Variants in BNC2 observed in about 807,000 individuals in gnomAD.
The protein encoded by BNC2 is zinc finger protein basonuclin-2.
Under a neutral mutation model 76.3 loss-of-function variants are expected in BNC2, and 20 were observed. The ratio of observed to expected loss-of-function variants is 0.26; its 90% CI spans 0.18 to 0.38. The LOEUF is 0.38. Ranked by LOEUF, BNC2 falls within the 10% of genes least tolerant of loss-of-function variation. BNC2 has a pLI of 1.00. For missense variants in BNC2, 1,382 were observed against 1,399.8 expected (o/e 0.99, Z 0.20); for synonymous variants, 582 against 514.8 (o/e 1.13, Z -1.77).
intron 1 of BNC2, among the ~76,000 whole-genome samples, chr9:16,846,330 T>A (rs1563969119): frequency 6.6e-6 from 1 of 152,156 alleles, no homozygotes; most frequent in African/African-American, 2.4e-5. Context: ...AACTGTACAA[T>A]CTTTTCACTA....
intron 4 of BNC2, among the ~76,000 whole-genome samples, chr9:16,566,513 A>G (rs946685639): frequency 1.3e-5 from 2 of 152,196 alleles, no homozygotes; most frequent in African/African-American, 4.8e-5. Context: ...TAAACTTGGC[A>G]TATTTTCTTT....
In BNC2 at chr9:16,616,837, A is replaced by AAGGAAGGC. The variant is rs1431416345; in HGVS notation, c.331-33753_331-33752insGCCTTCCT. Among the ~76,000 whole-genome samples the AAGGAAGGC allele has an allele frequency of 1.9e-4, 29 of 149,932 alleles. 1 individual carries two copies. Among genetic ancestry groups the AAGGAAGGC allele is most frequent in the African/African-American group, 7.1e-4 (29 of 40,892 alleles). ...GAAGGAAGAAAGGAAGGAAGGAAGG[A>AAGGAAGGC]AGTTCTACTGACACGTGGGAATTTC... On this transcript the variant is annotated intron_variant, in intron 3 of 6. Transcript: ENST00000380672.
chr9:16,579,892 C>T (rs1819584200), intron 4 of BNC2: 1 of 386,372 alleles, frequency 2.6e-6, no homozygotes, highest in African/African-American at 2.1e-5. Flanking sequence ...TATTTTTTAG[C>T]AGCAGATATT....
intron 5 of BNC2, among the ~76,000 whole-genome samples, chr9:16,536,576 C>T (rs2132298198): frequency 6.6e-6 from 1 of 152,052 alleles, no homozygotes; most frequent in South Asian, 2.1e-4. Flanking sequence ...AAAAAAAATT[C>T]CCCTTCTCCT....
At chr9:16,793,965 G>C (rs887681309) in intron 1 of BNC2, among the ~76,000 whole-genome samples, 2 of 147,722 alleles carry the variant, frequency 1.4e-5, no homozygotes, top group Non-Finnish European at 1.5e-5. Flanking sequence ...GCCTCCCAAA[G>C]TGCTGGGATT....
At chr9:16,519,205 T>C (rs943737) in intron 5 of BNC2, among the ~76,000 whole-genome samples, 50,821 of 151,986 alleles carry the variant, frequency 0.33, 8,981 homozygotes, top group South Asian at 0.5. Flanking sequence ...ATTTGCATGA[T>C]AAATCCCAGT....
At chr9:16,520,343 G>C (rs1013217924) in intron 5 of BNC2, among the ~76,000 whole-genome samples, 1 of 152,184 alleles carries the variant, frequency 6.6e-6, no homozygotes, top group Admixed American at 6.5e-5. Flanking sequence ...AGAGAAGCAA[G>C]AGAGAAAACC....
In BNC2 at chr9:16,411,906, T is replaced by A. The variant is rs912274305; in HGVS notation, c.*7083A>T. 2 of 152,198 alleles carry A rather than the reference T, an allele frequency of 1.3e-5. No individual in the cohort carries two copies. 9.4% of individuals were successfully genotyped at this position (152,198 alleles called of 1,614,324 possible). On this transcript the variant is annotated 3_prime_UTR_variant, in exon 7 of 7. Transcript: ENST00000380672. ...GGGAAGGTTGGAAGGAAGCATGGCA[T>A]CCCCTAGTCCCAGAAAGAAGACGCT...
At chr9:16,615,403 G>C (rs1820670626) in intron 3 of BNC2, among the ~76,000 whole-genome samples, 1 of 152,096 alleles carries the variant, frequency 6.6e-6, no homozygotes, top group South Asian at 2.1e-4. Context: ...AGGACTCTCT[G>C]ACATTTCCCC....
chr9:16,718,346 T>A, intron 3 of BNC2, among the ~76,000 whole-genome samples: 1 of 152,144 alleles, frequency 6.6e-6, no homozygotes, highest in East Asian at 1.9e-4. Flanking sequence ...TACATTATAA[T>A]AGATGACAAA....
rs760330205 is a variant in BNC2 at position 16,434,588 on chromosome 9, A to G, written c.2639+967T>C. Among the ~76,000 whole-genome samples, 74 of 152,304 alleles carry G rather than the reference A, an allele frequency of 4.9e-4. 1 individual carries two copies. Among genetic ancestry groups the G allele is most frequent in the African/African-American group, 1.2e-3 (48 of 41,572 alleles). On this transcript the variant is annotated intron_variant, in intron 6 of 6. Transcript: ENST00000380672. Reference sequence around the variant, plus strand: ...GTATTATGTACGTGATCTGCTCACAAGCTTATCTGAACAAATGCAGGATAA... The same window carrying G: ...GTATTATGTACGTGATCTGCTCACAGGCTTATCTGAACAAATGCAGGATAA...
chr9:16,644,454 AATC>A (rs1367961773), intron 3 of BNC2, among the ~76,000 whole-genome samples: 2 of 152,150 alleles, frequency 1.3e-5, no homozygotes, highest in Non-Finnish European at 2.9e-5. Context: ...GGTACTATCT[AATC>A]ATGATGACTA....
chr9:16,823,058 A>G (rs1259926665), intron 1 of BNC2, among the ~76,000 whole-genome samples: 2 of 152,180 alleles, frequency 1.3e-5, no homozygotes, highest in Non-Finnish European at 2.9e-5. Flanking sequence ...TTAGGTCTCT[A>G]CTACTCCAAG....
intron 3 of BNC2, among the ~76,000 whole-genome samples, chr9:16,697,318 C>A (rs1404186098): frequency 6.6e-6 from 1 of 151,938 alleles, no homozygotes; most frequent in Non-Finnish European, 1.5e-5. Flanking sequence ...GAACTCCAAC[C>A]TAGGTGACAG....
rs967903652 is a variant in BNC2, at chr9:16,777,045, G to C, written c.4-38560C>G. On this transcript the variant is annotated intron_variant, in intron 1 of 6. Coordinates refer to ENST00000380672, the MANE Select transcript of BNC2 (RefSeq NM_017637.6). ...GTAGGTTGAGGCAAGAGAATCACTT[G>C]AACCTAGGAGGCGGAGGTTGCAGTG... Among the ~76,000 whole-genome samples, 3 of 152,100 alleles carry C rather than the reference G, an allele frequency of 2.0e-5. No individual in the cohort carries two copies. In the East Asian group the frequency reaches 5.8e-4, roughly 29 times the overall value.
intron 1 of BNC2, among the ~76,000 whole-genome samples, chr9:16,763,547 G>A (rs1431385328): frequency 6.6e-6 from 1 of 151,886 alleles, no homozygotes. Context: ...TCCAGCCTGA[G>A]TGACAGAGCA....
chr9:16,560,210 C>A (rs1335345854), intron 4 of BNC2, among the ~76,000 whole-genome samples: 1 of 152,166 alleles, frequency 6.6e-6, no homozygotes, highest in Non-Finnish European at 1.5e-5. Flanking sequence ...TGGCCAGGAC[C>A]ATACTCTGAG....
rs181588478 is a variant in BNC2, at chr9:16,842,089, C to T, written c.3+28557G>A. ...CCTCCCAAAGTGCTGGTATTACAGG[C>T]GTGAGCCACACACCCGGCCTGCAAG... On this transcript the variant is annotated intron_variant, in intron 1 of 6. Transcript: ENST00000380672. Among the ~76,000 whole-genome samples the T allele has an allele frequency of 2.4e-3, 365 of 152,252 alleles. 5 individuals carry two copies. Among genetic ancestry groups the T allele is most frequent in the Admixed American group, 0.022 (333 of 15,292 alleles).
intron 1 of BNC2, among the ~76,000 whole-genome samples, chr9:16,763,882 C>CTA (rs145935922): frequency 1.1e-3 from 163 of 152,296 alleles, no homozygotes; most frequent in African/African-American, 3.7e-3. Context: ...AACTACAGAG[C>CTA]TATATATGCA....
Sources: allele counts gnomAD v4.1 joint callset (sites outside exome capture counted in the v4.1 genomes callset), GRCh38; gene constraint gnomAD v4.1.1; transcripts MANE v1.5; gene names NCBI Gene and HGNC (gene_info 2026-07-23, HGNC 2026-07-21).